Variants in ETV6 observed in about 807,000 individuals in gnomAD.
The protein encoded by ETV6 is ETS variant transcription factor 6, also known as transcription factor ETV6.
Under a neutral mutation model 51.1 loss-of-function variants are expected in ETV6, and 16 were observed. The ratio of observed to expected loss-of-function variants is 0.31; its 90% CI spans 0.21 to 0.48. The LOEUF (loss-of-function observed/expected upper bound fraction) is 0.48, where lower values mean the gene tolerates loss of function less well. Ranked by LOEUF, ETV6 falls within the 20% of genes least tolerant of loss-of-function variation. ETV6 has a pLI of 0.99. For synonymous variants in ETV6, 240 were observed against 224.1 expected, an observed-to-expected ratio of 1.07 and a Z score of -0.64; for missense variants, 458 against 594.8, an observed-to-expected ratio of 0.77 and a Z score of 2.39.
rs559698621 is a variant in ETV6, at chr12:11,829,966, G to A, written c.164-9174G>A. On this transcript the variant is annotated intron_variant, in intron 2 of 7. Coordinates refer to ENST00000396373, the MANE Select transcript of ETV6 (RefSeq NM_001987.5). Reference sequence around the variant, plus strand: ...CAGACCCAGAGGAGTGAGATGTGGAGCTTGTCAGAATGCATCCAAGGCTGG... The same window carrying A: ...CAGACCCAGAGGAGTGAGATGTGGAACTTGTCAGAATGCATCCAAGGCTGG... Among the ~76,000 whole-genome samples, 7 of 152,328 alleles carry A rather than the reference G, an allele frequency of 4.6e-5. No individual in the cohort carries two copies. The South Asian group carries it at 1.4e-3, about 32-fold the overall frequency.
At chr12:11,861,432 TGAC>T in intron 4 of ETV6, among the ~76,000 whole-genome samples, 1 of 152,298 alleles carries the variant, frequency 6.6e-6, no homozygotes, top group Non-Finnish European at 1.5e-5. Context: ...ATGTGTTTTG[TGAC>T]GGAGTGTAGG....
Position 11,757,992 on chromosome 12 carries a change from G to A in ETV6, c.163+5413G>A, listed in dbSNP as rs554006363. Among the ~76,000 whole-genome samples, 9 of 152,048 alleles carry A rather than the reference G, an allele frequency of 5.9e-5. 1 individual carries two copies. The South Asian group carries it at 1.7e-3, about 29-fold the overall frequency. On this transcript the variant is annotated intron_variant, in intron 2 of 7. Transcript: ENST00000396373. ...TTTCTCCCTACAACCAGAATGCCAG[G>A]GCTGGTCCTGTAGGCCCTGATGGGC... is the stretch of plus-strand genomic sequence containing the variant.
chr12:11,882,468 G>A (rs1453777759), intron 5 of ETV6, among the ~76,000 whole-genome samples: 5 of 152,154 alleles, frequency 3.3e-5, no homozygotes, highest in Non-Finnish European at 5.9e-5. Context: ...GTCCTCCTGA[G>A]TAAATCATCA....
chr12:11,650,237 C>A, intron 1 of ETV6, 77 bp downstream of exon 1: 2 of 1,273,890 alleles, frequency 1.6e-6, no homozygotes, highest in Non-Finnish European at 2.3e-6. Context: ...CTGGGCTCCT[C>A]AGAGCAGGCT....
chr12:11,846,721 G>C (rs1565549340), intron 3 of ETV6, among the ~76,000 whole-genome samples: 1 of 152,154 alleles, frequency 6.6e-6, no homozygotes, highest in Non-Finnish European at 1.5e-5. Context: ...AATATCATGG[G>C]ATACACGGTA....
chr12:11,730,474 G>A lies in ETV6; in HGVS notation c.34-21976G>A, dbSNP rs538634078. Among the ~76,000 whole-genome samples, 40 of 152,338 alleles carry A rather than the reference G, an allele frequency of 2.6e-4. No homozygotes were observed. In the South Asian group the frequency reaches 8.1e-3, roughly 31 times the overall value. Reference sequence around the variant, plus strand: ...AGGTGCAAGTCACCAAGGCCTCAGAGAGCTCCAAGGAAGCCTGTGCAAAGG... The same window carrying A: ...AGGTGCAAGTCACCAAGGCCTCAGAAAGCTCCAAGGAAGCCTGTGCAAAGG... On this transcript the variant is annotated intron_variant, in intron 1 of 7. Coordinates refer to ENST00000396373, the MANE Select transcript of ETV6 (RefSeq NM_001987.5).
chr12:11,658,127 C>T (rs1281848131), intron 1 of ETV6, among the ~76,000 whole-genome samples: 7 of 152,174 alleles, frequency 4.6e-5, no homozygotes, highest in Non-Finnish European at 8.8e-5. Flanking sequence ...GTTAGTTCTC[C>T]TCCTCCTTTA....
At chr12:11,862,838 G>A (rs1429646233) in intron 4 of ETV6, among the ~76,000 whole-genome samples, 1 of 152,186 alleles carries the variant, frequency 6.6e-6, no homozygotes, top group East Asian at 1.9e-4. Flanking sequence ...AAGAGACCGG[G>A]AGTGGTATAT....
chr12:11,666,230 T>C (rs1438333556), intron 1 of ETV6, among the ~76,000 whole-genome samples: 1 of 152,166 alleles, frequency 6.6e-6, no homozygotes, highest in African/African-American at 2.4e-5. Flanking sequence ...GATTGGCCTT[T>C]CCATGTCAAG....
chr12:11,705,119 G>A (rs910143138), intron 1 of ETV6, among the ~76,000 whole-genome samples: 20 of 152,272 alleles, frequency 1.3e-4, no homozygotes, highest in East Asian at 5.8e-4. Flanking sequence ...AATGTACAAC[G>A]CAAAGACTAA....
intron 1 of ETV6, among the ~76,000 whole-genome samples, chr12:11,700,250 T>C (rs1438443337): frequency 6.6e-6 from 1 of 152,164 alleles, no homozygotes; most frequent in African/African-American, 2.4e-5. Context: ...AAAAATAAAT[T>C]TGGGGGTACA....
At chr12:11,684,846 T>C (rs1372057470) in intron 1 of ETV6, among the ~76,000 whole-genome samples, 2 of 152,200 alleles carry the variant, frequency 1.3e-5, no homozygotes, top group Admixed American at 6.5e-5. Context: ...CTTGGTGTTA[T>C]AATACCCAAG....
intron 1 of ETV6, among the ~76,000 whole-genome samples, chr12:11,748,958 C>T (rs555135698): frequency 1.3e-5 from 2 of 152,186 alleles, no homozygotes; most frequent in East Asian, 3.9e-4. Flanking sequence ...CAGTTTTCTG[C>T]CTTATTTTCT....
chr12:11,871,665 GA>G, intron 5 of ETV6, among the ~76,000 whole-genome samples: 1 of 152,252 alleles, frequency 6.6e-6, no homozygotes, highest in East Asian at 1.9e-4. Flanking sequence ...TATGAAAAAG[GA>G]AATGATATAT....
intron 2 of ETV6, among the ~76,000 whole-genome samples, chr12:11,786,913 C>A (rs554760188): frequency 3.7e-4 from 56 of 152,152 alleles, no homozygotes; most frequent in Non-Finnish European, 7.5e-4. Flanking sequence ...GGCTTTTTTT[C>A]TTCTCTGATA....
At chr12:11,749,289 ACACAC>A (rs1865970452) in intron 1 of ETV6, among the ~76,000 whole-genome samples, 1 of 3,390 alleles carries the variant, frequency 2.9e-4, no homozygotes. Context: ...TCCCCCCCAT[ACACAC>A]ACACACACAC....
chr12:11,682,259 C>T (rs1016535935), intron 1 of ETV6, among the ~76,000 whole-genome samples: 1 of 152,244 alleles, frequency 6.6e-6, no homozygotes, highest in Admixed American at 6.5e-5. Context: ...GATCGCCATT[C>T]TAACTGGTGT....
chr12:11,888,615 C>G (rs373661791), intron 7 of ETV6, among the ~76,000 whole-genome samples: 2 of 152,288 alleles, frequency 1.3e-5, no homozygotes, highest in Admixed American at 1.3e-4. Flanking sequence ...GTTGGCCACT[C>G]TTGTCTCAAA....
chr12:11,762,122 G>A (rs1945094231), intron 2 of ETV6, among the ~76,000 whole-genome samples: 1 of 152,160 alleles, frequency 6.6e-6, no homozygotes, highest in South Asian at 2.1e-4. Context: ...TGCTTTTGTG[G>A]GATGAGAACT....
Sources: gnomAD v4.1 joint callset for allele counts (sites outside exome capture counted in the v4.1 genomes callset) on GRCh38, gnomAD v4.1.1 for gene constraint, MANE v1.5 for transcripts, NCBI Gene and HGNC (gene_info 2026-07-23, HGNC 2026-07-21) for gene names.